Variants in MYOZ2 observed in about 807,000 individuals in gnomAD.
The protein encoded by MYOZ2 is myozenin 2.
In MYOZ2, 19 loss-of-function variants were observed where a neutral mutation model predicts 25.4. The observed-to-expected ratio is 0.75, with a 90% CI of 0.52 to 1.10. The LOEUF (loss-of-function observed/expected upper bound fraction) is 1.10, where lower values mean the gene tolerates loss of function less well. MYOZ2 is among the 50% of genes least tolerant of loss of function. The pLI, the probability that MYOZ2 is intolerant of heterozygous loss-of-function variation, is 0.00. For missense variants in MYOZ2, 270 were observed against 317.9 expected, an observed-to-expected ratio of 0.85 and a Z score of 1.15; for synonymous variants, 92 against 106.9, an observed-to-expected ratio of 0.86 and a Z score of 0.86.
intron 5 of MYOZ2, among the ~76,000 whole-genome samples, chr4:119,177,139 A>C (rs1231129026): frequency 6.6e-6 from 1 of 152,206 alleles, no homozygotes; most frequent in South Asian, 2.1e-4. Context: ...TTTAAAGTCC[A>C]TCAATCCCTT....
chr4:119,136,643 T>C (rs1431058262), intron 2 of MYOZ2, 42 bp downstream of exon 2: 3 of 1,559,776 alleles, frequency 1.9e-6, no homozygotes, highest in African/African-American at 2.7e-5. Context: ...TAGCACAGCA[T>C]GAATGTGGCT....
chr4:119,136,483 C>A, intron 1 of MYOZ2, 29 bp from the exon 2 acceptor site: 1 of 1,568,826 alleles, frequency 6.4e-7, no homozygotes, highest in Non-Finnish European at 8.8e-7. Context: ...CTTCACATTG[C>A]CTCAATAATG....
At position 119,164,262 on chromosome 4, in the gene MYOZ2, C is replaced by T. The variant is rs768510650; in HGVS notation, c.428C>T (p.Ala143Val). The change falls in exon 5 of 6, where the codon GCT (alanine) becomes GTT (valine). Residue 143 changes from alanine to valine, a missense_variant. By Grantham distance (64) the Ala-to-Val change is moderately conservative. Transcript: ENST00000307128. ...CCTCCTGAAAAATTCAACACCACAG[C>T]TGTCCCTAAGTACTATCAATCTCCC... is the stretch of plus-strand genomic sequence containing the variant. ...EIPPEKFNTT[A>V]VPKYYQSPWE... is the part of the protein sequence containing the mutation. The T allele has an allele frequency of 1.2e-6, 2 of 1,613,880 alleles. No homozygotes were observed. Among genetic ancestry groups the T allele is most frequent in the African/African-American group, 2.7e-5 (2 of 74,926 alleles).
Position 119,175,461 on chromosome 4 carries a change from C to A in MYOZ2, c.561-10505C>A, listed in dbSNP as rs146250212. The stretch of plus-strand genomic sequence containing the variant: ...CTATTGCATCTAATGGATAACTATT[C>A]ATTCTTAAAAAACAATGGGCCAGGT... On this transcript the variant is annotated intron_variant, in intron 5 of 5. Transcript: ENST00000307128. Among the ~76,000 whole-genome samples, 153 of 152,196 alleles carry A rather than the reference C, an allele frequency of 1.0e-3. 4 individuals carry two copies. In the East Asian group the frequency reaches 0.028, roughly 28 times the overall value.
At chr4:119,173,691 G>A (rs2043873105) in intron 5 of MYOZ2, among the ~76,000 whole-genome samples, 1 of 152,224 alleles carries the variant, frequency 6.6e-6, no homozygotes, top group African/African-American at 2.4e-5. Flanking sequence ...CACTTGAGGA[G>A]CCCTTCAGCC....
At chr4:119,165,528 A>T (rs962042900) in intron 5 of MYOZ2, among the ~76,000 whole-genome samples, 2 of 151,922 alleles carry the variant, frequency 1.3e-5, no homozygotes, top group Admixed American at 6.6e-5. Context: ...ATAAATAAAT[A>T]AAATAAATAA....
At chr4:119,154,871 G>A (rs10004093) in intron 3 of MYOZ2, among the ~76,000 whole-genome samples, 91,967 of 148,368 alleles carry the variant, frequency 0.62, 29,560 homozygotes, top group Non-Finnish European at 0.72. Context: ...ACACACACAC[G>A]CACACACACA....
At chr4:119,176,062 T>C (rs995194228) in intron 5 of MYOZ2, among the ~76,000 whole-genome samples, 2 of 152,172 alleles carry the variant, frequency 1.3e-5, no homozygotes, top group Non-Finnish European at 2.9e-5. Flanking sequence ...AACTAGCTTA[T>C]TCCATGTTGT....
intron 5 of MYOZ2, among the ~76,000 whole-genome samples, chr4:119,174,258 G>A (rs1742006552): frequency 6.6e-6 from 1 of 152,250 alleles, no homozygotes; most frequent in Non-Finnish European, 1.5e-5. Context: ...CCTGAGTCTG[G>A]TGGGGCCTTG....
chr4:119,150,811 T>G, intron 2 of MYOZ2, 61 bp from the exon 3 acceptor site: 2 of 1,506,492 alleles, frequency 1.3e-6, no homozygotes, highest in African/African-American at 1.4e-5. Flanking sequence ...ATTAAGAAAT[T>G]TATAAAAGCA....
intron 2 of MYOZ2, among the ~76,000 whole-genome samples, chr4:119,149,112 T>TA (rs1241771672): frequency 4.3e-5 from 4 of 92,900 alleles, no homozygotes; most frequent in African/African-American, 1.1e-4. Context: ...AACTCATTAC[T>TA]GCAGGTGAAT....
chr4:119,157,906 T>A (rs1441393769), intron 3 of MYOZ2, 116 bp from the exon 4 acceptor site: 1 of 1,294,934 alleles, frequency 7.7e-7, no homozygotes, highest in East Asian at 2.5e-5. Flanking sequence ...CAGGAAGTAA[T>A]GAAGCGACAT....
chr4:119,170,421 G>A (rs1439872789), intron 5 of MYOZ2, among the ~76,000 whole-genome samples: 2 of 152,070 alleles, frequency 1.3e-5, no homozygotes, highest in Non-Finnish European at 2.9e-5. Context: ...ATTGGGCAGG[G>A]ACCATGGATA....
intron 5 of MYOZ2, among the ~76,000 whole-genome samples, chr4:119,173,697 C>T (rs1741991750): frequency 6.6e-6 from 1 of 152,240 alleles, no homozygotes; most frequent in Non-Finnish European, 1.5e-5. Flanking sequence ...AGGAGCCCTT[C>T]AGCCCACCGC....
intron 5 of MYOZ2, among the ~76,000 whole-genome samples, chr4:119,164,636 A>G: frequency 6.6e-6 from 1 of 152,346 alleles, no homozygotes; most frequent in East Asian, 1.9e-4. Context: ...TATCATTGGT[A>G]TAACATCAAG....
At position 119,186,126 on chromosome 4, in the gene MYOZ2, T is replaced by A. The variant is rs887723176; in HGVS notation, c.721T>A (p.Ser241Thr). ...SFNRTPKGWI[S>T]ENIPIVITTE... ...TAATAGGACTCCTAAGGGATGGATATCTGAGAATATTCCTATAGTGATAAC... is the reference window on the plus strand; with the variant it reads ...TAATAGGACTCCTAAGGGATGGATAACTGAGAATATTCCTATAGTGATAAC... The change falls in exon 6 of 6, where the codon TCT (serine) becomes ACT (threonine). Residue 241 changes from serine to threonine, a missense_variant. Physicochemically the swap from Ser to Thr is moderately conservative, Grantham distance 58. Coordinates refer to ENST00000307128, the MANE Select transcript of MYOZ2 (RefSeq NM_016599.5). 1 of 1,613,890 alleles carries A rather than the reference T, an allele frequency of 6.2e-7. No individual in the cohort carries two copies. Among genetic ancestry groups the A allele is most frequent in the Non-Finnish European group, 8.5e-7 (1 of 1,179,984 alleles).
intron 5 of MYOZ2, among the ~76,000 whole-genome samples, chr4:119,174,664 C>T (rs190823064): frequency 2.8e-4 from 42 of 152,206 alleles, no homozygotes; most frequent in African/African-American, 7.5e-4. Flanking sequence ...AATAGACCAC[C>T]GGGCTCTACC....
rs1298927896 is a variant in MYOZ2 at position 119,145,534 on chromosome 4, GTGTGTGTGTGTGTGTT to G, written c.77-5336_77-5321del. 3.1e-4 allele frequency among the ~76,000 whole-genome samples: 43 copies of G among 139,886 alleles called. 1 individual carries two copies. The highest frequency in any genetic ancestry group is 2.6e-3 in the Admixed American group (35 of 13,608). 91.8% of individuals were successfully genotyped at this position (139,886 alleles called of 152,430 possible). On this transcript the variant is annotated intron_variant, in intron 2 of 5. Coordinates refer to ENST00000307128, the MANE Select transcript of MYOZ2 (RefSeq NM_016599.5). ...TGTGTGTGTGTGTGTGTGTGTGTGT[GTGTGTGTGTGTGTGTT>G]TTTGGTAGAGACTTGGTTTCACCAT... is the stretch of plus-strand genomic sequence containing the variant.
At position 119,154,992 on chromosome 4, in the gene MYOZ2, A is replaced by G. The variant is rs77823348; in HGVS notation, c.247-3030A>G. On this transcript the variant is annotated intron_variant, in intron 3 of 5. Transcript: ENST00000307128. ...TTTGACTCATGGTTCTGTGAGCTGT[A>G]CAAGAAGCATGGCATCAGCACCTGC... Among the ~76,000 whole-genome samples, 1,423 of 152,190 alleles carry G rather than the reference A, an allele frequency of 9.4e-3. 10 individuals are homozygous for G. The highest frequency in any genetic ancestry group is 0.028 in the South Asian group (135 of 4,814).
Sources: gnomAD v4.1 joint callset for allele counts (sites outside exome capture counted in the v4.1 genomes callset) on GRCh38, gnomAD v4.1.1 for gene constraint, MANE v1.5 for transcripts, NCBI Gene and HGNC (gene_info 2026-07-23, HGNC 2026-07-21) for gene names.